Variants in OTOP1 observed in about 807,000 individuals in gnomAD.
The protein encoded by OTOP1 is otopetrin 1.
In OTOP1, 59 loss-of-function variants were observed where a neutral mutation model predicts 52.9. The observed-to-expected ratio is 1.12, with a 90% confidence interval of 0.91 to 1.39. The LOEUF (loss-of-function observed/expected upper bound fraction) is 1.39. Among genes scored for constraint, OTOP1 ranks in the 40% most tolerant of loss-of-function variants. OTOP1 has a pLI of 0.00. For missense variants in OTOP1, 761 were observed against 800.9 expected, an observed-to-expected ratio of 0.95 and a Z score of 0.60; for synonymous variants, 317 against 337.7, an observed-to-expected ratio of 0.94 and a Z score of 0.67.
chr4:4,210,564 C>A (rs1213833913), intron 2 of OTOP1, among the ~76,000 whole-genome samples: 1 of 152,172 alleles, frequency 6.6e-6, no homozygotes, highest in East Asian at 1.9e-4. Flanking sequence ...GACGCGGTGC[C>A]TCAGGCCTGT....
intron 4 of OTOP1, among the ~76,000 whole-genome samples, chr4:4,198,500 G>T (rs112614995): frequency 1.3e-5 from 2 of 152,132 alleles, no homozygotes; most frequent in South Asian, 2.1e-4. Flanking sequence ...GATGATTTTT[G>T]ATCTCTTCTA....
intron 4 of OTOP1, among the ~76,000 whole-genome samples, 186 bp from the exon 5 acceptor site, chr4:4,198,289 C>A (rs1042489960): frequency 5.3e-5 from 8 of 152,092 alleles, no homozygotes; most frequent in African/African-American, 1.4e-4. Flanking sequence ...TGAGTATCCC[C>A]AAAGCATATT....
intron 2 of OTOP1, among the ~76,000 whole-genome samples, chr4:4,206,850 C>A (rs957509339): frequency 6.6e-6 from 1 of 152,144 alleles, no homozygotes; most frequent in Non-Finnish European, 1.5e-5. Context: ...CCTGAAGAAG[C>A]GTGTATGTTT....
chr4:4,205,723 A>T (rs1716891183), intron 3 of OTOP1, among the ~76,000 whole-genome samples: 2 of 152,230 alleles, frequency 1.3e-5, no homozygotes, highest in African/African-American at 4.8e-5. Flanking sequence ...CTTTGTTTTC[A>T]GGACAGCACC....
chr4:4,190,493 T>A (rs549312326), intron 5 of OTOP1, among the ~76,000 whole-genome samples: 1 of 152,160 alleles, frequency 6.6e-6, no homozygotes, highest in African/African-American at 2.4e-5. Context: ...AATAAATAAA[T>A]TCAAAAAATA....
At position 4,212,920 on chromosome 4, in the gene OTOP1, G is replaced by C. The variant is rs767797015; in HGVS notation, c.488C>G (p.Ser163Ter). The change falls in exon 2 of 6, where the codon TCA (serine) becomes TGA (stop). Residue 163 changes from serine (S) to a stop codon, truncating the protein, a stop_gained. Coordinates refer to ENST00000296358, the MANE Select transcript of OTOP1 (RefSeq NM_177998.3). LOFTEE classifies it high-confidence loss of function. Reference sequence around the variant, plus strand: ...GACTGGGAAAACTCCTTCAGTGGCTGATAAACATTCTGAAAATCCAATGAA... The same window carrying C: ...GACTGGGAAAACTCCTTCAGTGGCTCATAAACATTCTGAAAATCCAATGAA... ...GYFIGFSECL[S>*]ATEGVFPVTH... 3.1e-6 allele frequency: 5 copies of C among 1,614,108 alleles called. No individual in the cohort carries two copies. In the East Asian group the frequency reaches 1.1e-4, roughly 36 times the overall value.
At chr4:4,190,075 T>C (rs1176157686) in intron 5 of OTOP1, among the ~76,000 whole-genome samples, 2 of 152,180 alleles carry the variant, frequency 1.3e-5, no homozygotes, top group Non-Finnish European at 2.9e-5. Flanking sequence ...CTGAGACACA[T>C]AGCCTTCATT....
At chr4:4,196,481 C>T (rs61377027) in intron 5 of OTOP1, among the ~76,000 whole-genome samples, 5,120 of 152,294 alleles carry the variant, frequency 0.034, 289 homozygotes, top group African/African-American at 0.12. Context: ...CACTTCAACT[C>T]GGGAGGCAGA....
At chr4:4,224,619 G>A (rs887012858) in intron 1 of OTOP1, among the ~76,000 whole-genome samples, 4 of 152,186 alleles carry the variant, frequency 2.6e-5, no homozygotes, top group African/African-American at 9.7e-5. Context: ...GTCATTCACA[G>A]AGTCACAAAA....
intron 1 of OTOP1, among the ~76,000 whole-genome samples, chr4:4,222,309 A>T (rs953748783): frequency 6.6e-6 from 1 of 151,942 alleles, no homozygotes; most frequent in Non-Finnish European, 1.5e-5. Context: ...AGAGGAAATG[A>T]CTCTTGCTTG....
At chr4:4,221,038 T>TTATCC (rs1717289815) in intron 1 of OTOP1, among the ~76,000 whole-genome samples, 1 of 141,484 alleles carries the variant, frequency 7.1e-6, no homozygotes. Flanking sequence ...ATATATTATT[T>TTATCC]TATTCTATTT....
At chr4:4,220,570 C>T (rs1249870503) in intron 1 of OTOP1, among the ~76,000 whole-genome samples, 3 of 152,138 alleles carry the variant, frequency 2.0e-5, no homozygotes, top group Admixed American at 2.0e-4. Context: ...AGTAATAACA[C>T]CTATCTCATA....
intron 1 of OTOP1, among the ~76,000 whole-genome samples, chr4:4,219,076 C>CGTAAAATGTATCATCATAAACATCG (rs1717213841): frequency 6.6e-6 from 1 of 151,732 alleles, no homozygotes; most frequent in Non-Finnish European, 1.5e-5. Context: ...GAAATAGGAA[C>CGTAAAATGTATCATCATAAACATCG]GTAAAATGTA....
chr4:4,193,673 A>G (rs17697201), intron 5 of OTOP1, among the ~76,000 whole-genome samples: 33,236 of 151,990 alleles, frequency 0.22, 4,214 homozygotes, highest in Non-Finnish European at 0.28. Context: ...GGCATCATAG[A>G]CCAAGCACAG....
intron 1 of OTOP1, among the ~76,000 whole-genome samples, chr4:4,224,353 A>AAT (rs1166363780): frequency 6.6e-6 from 1 of 151,650 alleles, no homozygotes; most frequent in Admixed American, 6.6e-5. Context: ...TCTCAAAAAA[A>AAT]AAAAATAAAG....
chr4:4,209,036 G>A (rs1716970460), intron 2 of OTOP1, among the ~76,000 whole-genome samples: 1 of 152,176 alleles, frequency 6.6e-6, no homozygotes, highest in African/African-American at 2.4e-5. Context: ...CTGGGCAAGT[G>A]TACTTCCAAG....
intron 1 of OTOP1, among the ~76,000 whole-genome samples, chr4:4,213,683 C>G (rs1717072862): frequency 6.6e-6 from 1 of 152,134 alleles, no homozygotes; most frequent in Non-Finnish European, 1.5e-5. Flanking sequence ...TGTTGTATGT[C>G]TATACCTCAT....
chr4:4,188,898 G>T lies in OTOP1; in HGVS notation c.1744C>A (p.Pro582Thr), dbSNP rs538042112. The change falls in exon 6 of 6, where the codon CCC (proline) becomes ACC (threonine). Residue 582 changes from proline (P) to threonine (T), a missense_variant. Pro to Thr is a conservative substitution (Grantham distance 38). This residue lies in a region of OTOP1 where 632 missense variants were observed against 619.5 expected (regional missense o/e 1.02). Transcript: ENST00000296358. Reference sequence around the variant, plus strand: ...GCCAGGTTGACCACAATTATCCAGGGTTCAAAGCCAAAGACAATCTCCTCC... The same window carrying T: ...GCCAGGTTGACCACAATTATCCAGGTTTCAAAGCCAAAGACAATCTCCTCC... The part of the protein sequence containing the change: ...GLEEIVFGFE[P>T]WIIVVNLAMP... The T allele has an allele frequency of 2.0e-5, 32 of 1,613,826 alleles. No individual in the cohort carries two copies. In the Admixed American group the frequency reaches 3.5e-4, roughly 18 times the overall value.
intron 4 of OTOP1, among the ~76,000 whole-genome samples, 182 bp from the exon 5 acceptor site, chr4:4,198,285 T>C (rs945867001): frequency 2.0e-5 from 3 of 152,170 alleles, no homozygotes; most frequent in Non-Finnish European, 2.9e-5. Context: ...GCCCTGAGTA[T>C]CCCCAAAGCA....
Sources: gnomAD v4.1 joint callset for allele counts (sites outside exome capture counted in the v4.1 genomes callset) on GRCh38, gnomAD v4.1.1 for gene constraint, gnomAD v4.1.1 regional missense constraint, MANE v1.5 for transcripts, NCBI Gene and HGNC (gene_info 2026-07-23, HGNC 2026-07-21) for gene names.